ODR4: variants seen among roughly 807,000 people sequenced by gnomAD.
The protein encoded by ODR4 is odr-4 GPCR localization factor homolog.
A neutral mutation model predicts 60.2 loss-of-function variants in ODR4; 47 were observed. That is an observed-to-expected ratio of 0.78 (90% confidence interval 0.62 to 1.00). The LOEUF is 1.00. Ranked by LOEUF, ODR4 falls within the 50% of genes least tolerant of loss-of-function variation. The pLI is 0.00. For synonymous variants in ODR4, 178 were observed against 175.5 expected (o/e 1.01, Z -0.11); for missense variants, 488 against 530.8 (o/e 0.92, Z 0.79).
intron 10 of ODR4, 47 bp from the exon 11 acceptor site, chr1:186,398,907 A>G (rs369013614): frequency 5.9e-6 from 8 of 1,349,684 alleles, no homozygotes; most frequent in African/African-American, 4.4e-5. Context: ...TTGTAAATCT[A>G]AAGTATTTTA....
At chr1:186,386,310 G>T (rs1660246746) in intron 4 of ODR4, among the ~76,000 whole-genome samples, 3 of 151,822 alleles carry the variant, frequency 2.0e-5, no homozygotes, top group Admixed American at 6.6e-5. Context: ...TTTTCCATGG[G>T]TAATTTTATT....
intron 2 of ODR4, among the ~76,000 whole-genome samples, chr1:186,380,712 A>G (rs1345692011): frequency 2.0e-5 from 3 of 152,064 alleles, no homozygotes; most frequent in Non-Finnish European, 4.4e-5. Flanking sequence ...TTTTCTTTCT[A>G]GATATCTTAG....
downstream of ODR4, among the ~76,000 whole-genome samples, chr1:186,421,811 G>A (rs1345328663): frequency 2.1e-5 from 3 of 146,146 alleles, no homozygotes; most frequent in Non-Finnish European, 4.5e-5. Context: ...TTGCAGTGAG[G>A]AGATTGCACC....
chr1:186,421,587 C>T (rs1338880334), downstream of ODR4, among the ~76,000 whole-genome samples: 2 of 151,976 alleles, frequency 1.3e-5, no homozygotes, highest in Admixed American at 1.3e-4. Context: ...GGGGATCGGC[C>T]AGGCACGGTG....
At chr1:186,428,600 G>C in the ODR4 span, among the ~76,000 whole-genome samples, 2 of 152,268 alleles carry the variant, frequency 1.3e-5, no homozygotes, top group African/African-American at 2.4e-5. Flanking sequence ...CTCACAACTT[G>C]GCTGTTTGTT....
intron 12 of ODR4, among the ~76,000 whole-genome samples, chr1:186,407,603 C>G (rs1661218988): frequency 6.6e-6 from 1 of 152,050 alleles, no homozygotes; most frequent in Non-Finnish European, 1.5e-5. Context: ...CTTCTTTATT[C>G]TAAATACCAA....
chr1:186,401,433 T>C, intron 11 of ODR4: 1 of 306,740 alleles, frequency 3.3e-6, no homozygotes, highest in Non-Finnish European at 6.3e-6. Flanking sequence ...CAGAGTGACC[T>C]CAGGCAAATG....
At chr1:186,394,436 A>G (rs528886911) in intron 9 of ODR4, among the ~76,000 whole-genome samples, 1 of 152,304 alleles carries the variant, frequency 6.6e-6, no homozygotes, top group East Asian at 1.9e-4. Flanking sequence ...TAAAAATCAC[A>G]AAGTATTAAT....
At chr1:186,393,916 G>T in intron 8 of ODR4, 31 bp from the exon 9 acceptor site, 1 of 1,218,690 alleles carries the variant, frequency 8.2e-7, no homozygotes, top group Middle Eastern at 1.9e-4. Flanking sequence ...AGGCTTCACA[G>T]TTTGGCTTTT....
intron 5 of ODR4, among the ~76,000 whole-genome samples, chr1:186,389,179 T>G (rs981970289): frequency 6.3e-4 from 96 of 152,188 alleles, no homozygotes; most frequent in African/African-American, 2.1e-3. Context: ...AAAAAAATCT[T>G]TAGTATTTAA....
At chr1:186,423,170 G>A (rs1661823465), downstream of ODR4, among the ~76,000 whole-genome samples, 1 of 152,128 alleles carries the variant, frequency 6.6e-6, no homozygotes, top group Admixed American at 6.5e-5. Flanking sequence ...GGTCTTTCAA[G>A]GGGGGTAAAA....
At chr1:186,433,135 C>G in the ODR4 span, among the ~76,000 whole-genome samples, 1 of 152,044 alleles carries the variant, frequency 6.6e-6, no homozygotes, top group African/African-American at 2.4e-5. Flanking sequence ...TGAATTCTAT[C>G]TATAAAATTT....
intron 12 of ODR4, chr1:186,411,794 C>T (rs1661390873): frequency 1.2e-6 from 1 of 837,994 alleles, no homozygotes; most frequent in Non-Finnish European, 1.4e-6. Context: ...CTATATTTCT[C>T]TTTTTTATGC....
At chr1:186,408,541 TATAC>T (rs1217231644) in intron 12 of ODR4, among the ~76,000 whole-genome samples, 5 of 149,834 alleles carry the variant, frequency 3.3e-5, no homozygotes, top group South Asian at 4.2e-4. Flanking sequence ...AATATAAACA[TATAC>T]ATACATAAAC....
In ODR4 at chr1:186,406,102, C is replaced by T. The variant is rs186958477; in HGVS notation, c.1020C>T (p.His340=). The T allele has an allele frequency of 9.7e-5, 153 of 1,574,214 alleles. No individual in the cohort carries two copies. The African/African-American group carries it at 1.2e-3, about 12-fold the overall frequency. ...TTTTAGATTCTGAAAAAGAGTTCCA[C>T]GTCCTCCCTTATCGAGTCTTTGTTC... The part of the protein sequence containing the change: ...PEKKDSEKEF[H]VLPYRVFVPL... Residue 340 remains histidine, a synonymous_variant, in exon 12 of 14, where the codon CAC becomes CAT. Coordinates refer to ENST00000287859, the MANE Select transcript of ODR4 (RefSeq NM_017847.6).
Position 186,398,318 on chromosome 1 carries a change from G to T in ODR4, c.786G>T (p.Leu262=), listed in dbSNP as rs747518060. 5.1e-6 allele frequency: 8 copies of T among 1,584,154 alleles called. No individual in the cohort carries two copies. Among genetic ancestry groups the T allele is most frequent in the South Asian group, 1.2e-5 (1 of 85,228 alleles). The part of the protein sequence containing the change: ...FDVRVLTQLL[L]NSDHRSTATV... ...AAACAGATTTTGTCTTTCAGCTCCT[G>T]AATTCAGACCACAGATCCACAGCCA... The change falls in exon 10 of 14, where the codon CTG becomes CTT. Residue 262 remains leucine (L), a synonymous_variant. Transcript: ENST00000287859.
At position 186,402,186 on chromosome 1, in the gene ODR4, T is replaced by TTTTC. The variant is rs777903676; in HGVS notation, c.1000+3142_1000+3143insTTTC. 5.6e-3 allele frequency among the ~76,000 whole-genome samples: 517 copies of TTTTC among 91,562 alleles called. 3 individuals are homozygous for TTTTC. The highest frequency in any genetic ancestry group is 0.022 in the East Asian group (53 of 2,452). 60.1% of individuals were successfully genotyped at this position (91,562 alleles called of 152,430 possible). A position where few individuals can be genotyped will look rare whatever the true frequency, so the allele number is the denominator to read the frequency against. On this transcript the variant is annotated intron_variant, in intron 11 of 13. Coordinates refer to ENST00000287859, the MANE Select transcript of ODR4 (RefSeq NM_017847.6). The stretch of plus-strand genomic sequence containing the variant: ...CAGACAAATAACTTTATAGGCATCC[T>TTTTC]ATTCTTTCTTTCTTTCTTTCTTTCT...
intron 1 of ODR4, among the ~76,000 whole-genome samples, chr1:186,378,745 C>T (rs1659895819): frequency 1.3e-5 from 2 of 152,190 alleles, no homozygotes; most frequent in South Asian, 2.1e-4. Context: ...TTTCTCATTT[C>T]AGTTTCTTCA....
chr1:186,397,569 A>G (rs1306146878), intron 9 of ODR4, among the ~76,000 whole-genome samples: 1 of 152,174 alleles, frequency 6.6e-6, no homozygotes, highest in African/African-American at 2.4e-5. Context: ...AGCATCTCTA[A>G]GCCAAAAATC....
Sources: allele counts gnomAD v4.1 joint callset (sites outside exome capture counted in the v4.1 genomes callset), GRCh38; gene constraint gnomAD v4.1.1; transcripts MANE v1.5; gene names NCBI Gene and HGNC (gene_info 2026-07-23, HGNC 2026-07-21).